Variants in ALKAL1 observed in about 807,000 individuals in gnomAD.
ALKAL1 encodes the protein AUG-beta.
Under a neutral mutation model 13.5 loss-of-function variants are expected in ALKAL1, and 23 were observed. The ratio of observed to expected loss-of-function variants is 1.70; its 90% confidence interval spans 1.23 to 2.41. The LOEUF (loss-of-function observed/expected upper bound fraction) is 2.41. ALKAL1 is among the 30% of genes most tolerant of loss of function. The pLI is 0.00. For synonymous variants in ALKAL1, 85 were observed against 77.7 expected, an observed-to-expected ratio of 1.09 and a Z score of -0.49; for missense variants, 181 against 178.4, an observed-to-expected ratio of 1.01 and a Z score of -0.08.
At chr8:52,535,128 GAGGACT>G (rs1250243787) in intron 4 of ALKAL1, among the ~76,000 whole-genome samples, 1 of 152,066 alleles carries the variant, frequency 6.6e-6, no homozygotes, top group Non-Finnish European at 1.5e-5. Flanking sequence ...TGTGTTGTTT[GAGGACT>G]TTAGGTAAAT....
intron 1 of ALKAL1, among the ~76,000 whole-genome samples, chr8:52,551,327 C>T (rs1847427943): frequency 6.6e-6 from 1 of 152,084 alleles, no homozygotes; most frequent in Admixed American, 6.5e-5. Context: ...CAGAGTCTTG[C>T]CCTGTCACCA....
At chr8:52,541,672 G>C (rs924241677) in intron 2 of ALKAL1, among the ~76,000 whole-genome samples, 9 of 152,152 alleles carry the variant, frequency 5.9e-5, no homozygotes, top group African/African-American at 2.2e-4. Flanking sequence ...GGGAGGCTGA[G>C]GCAGGAGAAT....
chr8:52,549,794 T>C (rs1847411747), intron 1 of ALKAL1, among the ~76,000 whole-genome samples: 2 of 151,750 alleles, frequency 1.3e-5, no homozygotes, highest in African/African-American at 2.4e-5. Context: ...ATATAAAAAT[T>C]AGTCAGGCGT....
At position 52,565,162 on chromosome 8, in the gene ALKAL1, C is replaced by T. The variant is rs1002037915; in HGVS notation, c.95G>A (p.Arg32His). ...CTTATCCGTGACGCGCGCTCCCCTG[C>T]GCCCCCGGGGCCTCCCGTGGGCTCC... Reference protein sequence around the residue: ...PHGAHGRPRGRRGARVTDKEP... With the variant: ...PHGAHGRPRGHRGARVTDKEP... The change falls in exon 1 of 5, where the codon CGC becomes CAC. Residue 32 changes from arginine to histidine, a missense_variant. Physicochemically the swap from Arg to His is conservative, Grantham distance 29. Transcript: ENST00000358543. 1 of 1,392,828 alleles carries T rather than the reference C, an allele frequency of 7.2e-7. No individual in the cohort carries two copies. The allele number at this position is 1,392,828 out of a possible 1,614,324, so 86.3% of individuals were successfully genotyped here. A position where few individuals can be genotyped will look rare whatever the true frequency, so the allele number is the denominator to read the frequency against.
intron 1 of ALKAL1, among the ~76,000 whole-genome samples, chr8:52,563,321 C>T (rs903552304): frequency 2.0e-5 from 3 of 152,060 alleles, no homozygotes; most frequent in African/African-American, 4.8e-5. Context: ...ATCCTAGCTA[C>T]GTGGGAGGCT....
At chr8:52,536,680 C>A (rs1847269616) in intron 4 of ALKAL1, among the ~76,000 whole-genome samples, 1 of 151,078 alleles carries the variant, frequency 6.6e-6, no homozygotes, top group African/African-American at 2.4e-5. Context: ...AGTTTTAAGA[C>A]CTGGTTTCTT....
chr8:52,556,077 C>T (rs1847478704), intron 1 of ALKAL1, among the ~76,000 whole-genome samples: 1 of 152,118 alleles, frequency 6.6e-6, no homozygotes, highest in African/African-American at 2.4e-5. Flanking sequence ...TTATATCTCT[C>T]CTTGTAATCT....
Position 52,565,398 on chromosome 8 carries a change from G to T in ALKAL1, c.-142C>A. ...CAGTCTTCACCGCGCGCCTGCCCTT[G>T]TCTACGTCCCGGGGGTCGGCTGGAG... On this transcript the variant is annotated 5_prime_UTR_variant, in exon 1 of 5. Transcript: ENST00000358543. The T allele has an allele frequency of 1.8e-6, 1 of 562,482 alleles. No homozygotes were observed. Among genetic ancestry groups the T allele is most frequent in the Non-Finnish European group, 2.7e-6 (1 of 368,654 alleles). The allele number at this position is 562,482 out of a possible 1,614,324, so 34.8% of individuals were successfully genotyped here. A position where few individuals can be genotyped will look rare whatever the true frequency, so the allele number is the denominator to read the frequency against.
chr8:52,561,942 C>G (rs1412671543), intron 1 of ALKAL1, among the ~76,000 whole-genome samples: 2 of 152,172 alleles, frequency 1.3e-5, no homozygotes, highest in Non-Finnish European at 2.9e-5. Flanking sequence ...ACTGCTGCCT[C>G]CCACATCTCA....
At chr8:52,561,180 T>C (rs1323823210) in intron 1 of ALKAL1, among the ~76,000 whole-genome samples, 1 of 152,182 alleles carries the variant, frequency 6.6e-6, no homozygotes, top group Non-Finnish European at 1.5e-5. Flanking sequence ...GGTATAACTG[T>C]CTAAGTGGGC....
Position 52,542,394 on chromosome 8 carries a change from G to T in ALKAL1, c.242C>A (p.Thr81Lys). The T allele has an allele frequency of 6.5e-7, 1 of 1,535,878 alleles. No homozygotes were observed. Among genetic ancestry groups the T allele is most frequent in the Non-Finnish European group, 9.0e-7 (1 of 1,115,868 alleles). ...NLKDKFIKHF[T>K]GPVTFSPECS... ...TCACTGATACATTTTGTACTTACCT[G>T]TGAAATGCTTTATGAATTTGTCTTT... Residue 81 changes from threonine to lysine, a missense_variant and splice_region_variant, in exon 2 of 5, where the codon ACA (threonine) becomes AAA (lysine). By Grantham distance (78) the Thr-to-Lys change is moderately conservative. Coordinates refer to ENST00000358543, the MANE Select transcript of ALKAL1 (RefSeq NM_207413.4).
In ALKAL1 at chr8:52,546,901, T is replaced by TGCTTCTAACACTCACAAA. The variant is rs531218676; in HGVS notation, c.191-4457_191-4456insTTTGTGAGTGTTAGAAGC. 5.9e-3 allele frequency among the ~76,000 whole-genome samples: 905 copies of TGCTTCTAACACTCACAAA among 152,314 alleles called. 9 individuals are homozygous for TGCTTCTAACACTCACAAA. The highest frequency in any genetic ancestry group is 0.021 in the African/African-American group (853 of 41,574). ...GACTTTTCTTTGCACACTGATTATC[T>TGCTTCTAACACTCACAAA]GCCCAAAATATTGACTATGTGGCCC... On this transcript the variant is annotated intron_variant, in intron 1 of 4. Transcript: ENST00000358543.
chr8:52,558,581 T>C (rs1219114255), intron 1 of ALKAL1, among the ~76,000 whole-genome samples: 1 of 152,058 alleles, frequency 6.6e-6, no homozygotes, highest in African/African-American at 2.4e-5. Context: ...TCCTTCTCTC[T>C]TCATTGCTTT....
At chr8:52,544,920 A>C (rs1234241543) in intron 1 of ALKAL1, among the ~76,000 whole-genome samples, 1 of 152,106 alleles carries the variant, frequency 6.6e-6, no homozygotes, top group African/African-American at 2.4e-5. Flanking sequence ...TTAATAAATA[A>C]ATTTTGTTTT....
chr8:52,547,525 ATAAC>A (rs138167972), intron 1 of ALKAL1, among the ~76,000 whole-genome samples: 164 of 152,194 alleles, frequency 1.1e-3, no homozygotes, highest in African/African-American at 3.2e-3. Context: ...ATAAATATAA[ATAAC>A]TAAGTAAAAA....
chr8:52,541,182 A>G (rs1043531694), intron 2 of ALKAL1, among the ~76,000 whole-genome samples: 1 of 152,188 alleles, frequency 6.6e-6, no homozygotes, highest in African/African-American at 2.4e-5. Flanking sequence ...TGTGCTCAAG[A>G]TGTGGCAGGT....
At chr8:52,551,224 T>C (rs1400891557) in intron 1 of ALKAL1, among the ~76,000 whole-genome samples, 1 of 152,186 alleles carries the variant, frequency 6.6e-6, no homozygotes, top group African/African-American at 2.4e-5. Context: ...ATTTAGCCAA[T>C]GCAAGTTGTA....
chr8:52,555,092 A>G (rs1212027955), intron 1 of ALKAL1, among the ~76,000 whole-genome samples: 2 of 151,444 alleles, frequency 1.3e-5, no homozygotes, highest in Non-Finnish European at 2.9e-5. Context: ...AATGGTGTGA[A>G]CCTGGGAGGC....
At chr8:52,536,930 A>T (rs1847271237) in intron 4 of ALKAL1, among the ~76,000 whole-genome samples, 1 of 152,238 alleles carries the variant, frequency 6.6e-6, no homozygotes, top group Admixed American at 6.5e-5. Context: ...TTTAACATTT[A>T]GTGAAAAATC....
Sources: gnomAD v4.1 joint callset for allele counts (sites outside exome capture counted in the v4.1 genomes callset) on GRCh38, gnomAD v4.1.1 for gene constraint, MANE v1.5 for transcripts, NCBI Gene and HGNC (gene_info 2026-07-23, HGNC 2026-07-21) for gene names.